DAP3: variants seen among roughly 807,000 people sequenced by gnomAD.
DAP3 encodes death associated protein 3, also known as small ribosomal subunit protein mS29.
Under a neutral mutation model 51.9 loss-of-function variants are expected in DAP3, and 28 were observed. The ratio of observed to expected loss-of-function variants is 0.54; its 90% CI spans 0.40 to 0.74. The LOEUF is 0.74. Among genes scored for constraint, DAP3 ranks in the 30% least tolerant of loss-of-function variants. DAP3 has a pLI of 0.00. For synonymous variants in DAP3, 170 were observed against 170.3 expected, an observed-to-expected ratio of 1.00 and a Z score of 0.01; for missense variants, 458 against 483.5, an observed-to-expected ratio of 0.95 and a Z score of 0.49.
chr1:155,734,428 C>T (rs568469528), intron 11 of DAP3, among the ~76,000 whole-genome samples: 4 of 152,154 alleles, frequency 2.6e-5, no homozygotes, highest in African/African-American at 9.6e-5. Context: ...CCTCCCACCT[C>T]GGCCTCCTAA....
At chr1:155,718,528 C>CA (rs1250668161) in intron 3 of DAP3, among the ~76,000 whole-genome samples, 4 of 149,430 alleles carry the variant, frequency 2.7e-5, no homozygotes, top group African/African-American at 7.4e-5. Flanking sequence ...ACTAAAAATA[C>CA]AAAAAAAAAT....
At chr1:155,701,043 G>A (rs1268936579) in intron 1 of DAP3, among the ~76,000 whole-genome samples, 6 of 131,484 alleles carry the variant, frequency 4.6e-5, no homozygotes, top group Non-Finnish European at 9.2e-5. Context: ...CCCCCTCCGG[G>A]AGGGAGGTGG....
intron 4 of DAP3, among the ~76,000 whole-genome samples, chr1:155,723,487 C>T (rs1188269092): frequency 6.6e-6 from 1 of 152,154 alleles, no homozygotes; most frequent in African/African-American, 2.4e-5. Flanking sequence ...CGCCACCACG[C>T]CTGGCTAATT....
chr1:155,711,521 T>A (rs551903680), intron 2 of DAP3, among the ~76,000 whole-genome samples: 1 of 151,140 alleles, frequency 6.6e-6, no homozygotes, highest in Non-Finnish European at 1.5e-5. Context: ...TCCTCTTTCT[T>A]AATAACAGAC....
chr1:155,711,724 A>G (rs939888986), intron 2 of DAP3, among the ~76,000 whole-genome samples: 16 of 151,754 alleles, frequency 1.1e-4, no homozygotes, highest in Admixed American at 9.2e-4. Flanking sequence ...GAAGTCCCAC[A>G]GTAGGCCGTG....
rs1660001313 is a variant in DAP3, at chr1:155,738,184, T to G, written c.1139T>G (p.Leu380Arg). The change falls in exon 13 of 13, where the codon CTG becomes CGG. Residue 380 changes from leucine (L) to arginine (R), a missense_variant. Coordinates refer to ENST00000368336, the MANE Select transcript of DAP3 (RefSeq NM_004632.4). ...KAPTEEGKKE[L>R]LFLSNANPSL... ...CCTACAGAAGAAGGGAAAAAAGAGCTGCTGTTCCTAAGTAACGCGAACCCC... is the reference window on the plus strand; with the variant it reads ...CCTACAGAAGAAGGGAAAAAAGAGCGGCTGTTCCTAAGTAACGCGAACCCC... The G allele has an allele frequency of 1.2e-6, 2 of 1,614,124 alleles. No individual in the cohort carries two copies. The highest frequency in any genetic ancestry group is 2.7e-5 in the African/African-American group (2 of 74,948).
Position 155,694,565 on chromosome 1 carries a change from G to A in DAP3, c.-8+5391G>A, listed in dbSNP as rs760186177. ...GATCTGTCCCCAAGTTGGTGGGCTC[G>A]CTTGATGGGTTTTGTTGGTCTTCAT... On this transcript the variant is annotated intron_variant, in intron 1 of 12. Coordinates refer to ENST00000368336, the MANE Select transcript of DAP3 (RefSeq NM_004632.4). 7.8e-5 allele frequency among the ~76,000 whole-genome samples: 11 copies of A among 141,784 alleles called. 1 individual carries two copies. The highest frequency in any genetic ancestry group is 1.6e-4 in the African/African-American group (5 of 31,300). 93.0% of individuals were successfully genotyped at this position (141,784 alleles called of 152,430 possible).
At chr1:155,709,878 T>A (rs1656481718) in intron 2 of DAP3, 54 bp downstream of exon 2, 8 of 1,558,308 alleles carry the variant, frequency 5.1e-6, no homozygotes, top group Non-Finnish European at 7.0e-6. Flanking sequence ...GGTTCCCAGA[T>A]TCTTGTTTTC....
chr1:155,706,595 C>G (rs549345972), intron 1 of DAP3, among the ~76,000 whole-genome samples: 1 of 141,994 alleles, frequency 7.0e-6, no homozygotes, highest in South Asian at 2.3e-4. Flanking sequence ...GGTGAAACCC[C>G]GTTTCTACTA....
At chr1:155,709,675 G>C in intron 1 of DAP3, 98 bp from the exon 2 acceptor site, 1 of 944,700 alleles carries the variant, frequency 1.1e-6, no homozygotes, top group Non-Finnish European at 1.5e-6. Context: ...TATTAATATA[G>C]ATTATTAATC....
At chr1:155,693,970 A>G (rs956511455) in intron 1 of DAP3, among the ~76,000 whole-genome samples, 3 of 141,520 alleles carry the variant, frequency 2.1e-5, no homozygotes, top group African/African-American at 9.7e-5. Context: ...TCAAAAAAAA[A>G]GAAAGAAAAA....
At position 155,717,174 on chromosome 1, in the gene DAP3, G is replaced by T. The variant is rs778646577; in HGVS notation, c.168+46G>T. The stretch of plus-strand genomic sequence containing the variant: ...TGGGGTTTCTCAGGGCTTATGATTT[G>T]TGTTCCTGTCCTCATTTTGCATAGG... On this transcript the variant is annotated intron_variant, in intron 3 of 12. Transcript: ENST00000368336. 7 of 1,592,752 alleles carry T rather than the reference G, an allele frequency of 4.4e-6. No homozygotes were observed. The South Asian group carries it at 6.8e-5, about 16-fold the overall frequency.
At chr1:155,727,397 G>A (rs1410026425) in intron 6 of DAP3, 6 of 356,778 alleles carry the variant, frequency 1.7e-5, no homozygotes, top group Non-Finnish European at 2.4e-5. Flanking sequence ...CTGAGCCTAG[G>A]AGTTCAAGGT....
At chr1:155,710,833 A>G (rs949415490) in intron 2 of DAP3, among the ~76,000 whole-genome samples, 1 of 152,012 alleles carries the variant, frequency 6.6e-6, no homozygotes, top group Non-Finnish European at 1.5e-5. Context: ...ATTGCATTTT[A>G]TGGTCCATGT....
At chr1:155,720,558 G>T (rs1056786977) in intron 3 of DAP3, among the ~76,000 whole-genome samples, 1 of 151,796 alleles carries the variant, frequency 6.6e-6, no homozygotes, top group Non-Finnish European at 1.5e-5. Context: ...TGAGGCAGGA[G>T]AATTGGTTGA....
intron 1 of DAP3, among the ~76,000 whole-genome samples, chr1:155,698,446 C>T (rs527525729): frequency 6.6e-6 from 1 of 152,256 alleles, no homozygotes; most frequent in Admixed American, 6.5e-5. Context: ...TCCCTGACTT[C>T]CTGCAACACT....
chr1:155,737,973 G>A (rs1221218273), intron 12 of DAP3, among the ~76,000 whole-genome samples, 184 bp from the exon 13 acceptor site: 1 of 152,178 alleles, frequency 6.6e-6, no homozygotes, highest in African/African-American at 2.4e-5. Context: ...ACACAGAAAA[G>A]GAAGTAATGC....
intron 1 of DAP3, among the ~76,000 whole-genome samples, chr1:155,703,570 C>T (rs1042916868): frequency 6.6e-6 from 1 of 152,190 alleles, no homozygotes; most frequent in Non-Finnish European, 1.5e-5. Context: ...CAGGGTCTTG[C>T]TCTGTCGCCC....
intron 11 of DAP3, among the ~76,000 whole-genome samples, chr1:155,735,970 T>C (rs913467787): frequency 1.3e-5 from 2 of 151,270 alleles, no homozygotes; most frequent in Non-Finnish European, 2.9e-5. Context: ...GTCTCCCGAG[T>C]AGCTGGGACG....
Sources: allele counts gnomAD v4.1 joint callset (sites outside exome capture counted in the v4.1 genomes callset), GRCh38; gene constraint gnomAD v4.1.1; transcripts MANE v1.5; gene names NCBI Gene and HGNC (gene_info 2026-07-23, HGNC 2026-07-21).